Variants in SCAI observed in about 807,000 individuals in gnomAD.
SCAI encodes the protein protein SCAI.
SCAI carries 24 observed loss-of-function variants against 92.2 expected under a neutral mutation model. The ratio of observed to expected loss-of-function variants is 0.26; its 90% CI spans 0.19 to 0.37. The LOEUF (loss-of-function observed/expected upper bound fraction) is 0.37, where lower values mean the gene tolerates loss of function less well. SCAI is among the 10% of genes least tolerant of loss of function. SCAI has a pLI of 1.00. For synonymous variants in SCAI, 261 were observed against 258.6 expected (o/e 1.01, Z -0.09); for missense variants, 450 against 736.2 (o/e 0.61, Z 4.50).
chr9:125,090,246 T>C (rs941514967), intron 2 of SCAI, among the ~76,000 whole-genome samples: 3 of 152,070 alleles, frequency 2.0e-5, no homozygotes, highest in African/African-American at 7.2e-5. Context: ...TTATGCAAGA[T>C]AGGAGTATGT....
chr9:125,031,541 G>A (rs749261065), intron 3 of SCAI, among the ~76,000 whole-genome samples: 4 of 151,980 alleles, frequency 2.6e-5, no homozygotes, highest in Non-Finnish European at 4.4e-5. Flanking sequence ...AAGCCACCAC[G>A]CCCGGCCACT....
chr9:125,015,271 G>C (rs950107902), intron 9 of SCAI, among the ~76,000 whole-genome samples: 6 of 152,066 alleles, frequency 3.9e-5, no homozygotes, highest in African/African-American at 1.4e-4. Context: ...GAAAATGTTC[G>C]CAACCTACTC....
At chr9:125,061,796 GAAAAA>G (rs1182303724) in intron 2 of SCAI, among the ~76,000 whole-genome samples, 2 of 150,986 alleles carry the variant, frequency 1.3e-5, no homozygotes, top group African/African-American at 4.9e-5. Context: ...GAAAAGAAAA[GAAAAA>G]AATATATATG....
At chr9:125,038,184 G>A (rs561315386) in intron 3 of SCAI, among the ~76,000 whole-genome samples, 92 of 152,278 alleles carry the variant, frequency 6.0e-4, no homozygotes, top group Admixed American at 1.4e-3. Context: ...TTGAGCCCAG[G>A]AGGTCAAAGC....
At chr9:125,140,459 C>T (rs1249053654) in intron 2 of SCAI, among the ~76,000 whole-genome samples, 2 of 151,974 alleles carry the variant, frequency 1.3e-5, no homozygotes, top group Non-Finnish European at 2.9e-5. Flanking sequence ...ACCCAGGAGG[C>T]GGAGATTGCA....
At position 125,003,524 on chromosome 9, in the gene SCAI, G is replaced by A. The variant is rs1250195431; in HGVS notation, c.908C>T (p.Ala303Val). The change falls in exon 10 of 18, where the codon GCT becomes GTT. Residue 303 changes from alanine to valine, a missense_variant. Around this residue, in one of 3 missense-constraint regions of SCAI, gnomAD observed 360 missense variants for 601.8 expected, o/e 0.60. Coordinates refer to ENST00000336505, the MANE Select transcript of SCAI (RefSeq NM_001144877.3). ...LTVDMFRMLQ[A>V]LEREPMNLAS... ...TAAATTCATTGGCTCCCTTTCCAGAGCTTGTAACATCCGGAACATGTCAAC... is the reference window on the plus strand; with the variant it reads ...TAAATTCATTGGCTCCCTTTCCAGAACTTGTAACATCCGGAACATGTCAAC... 1.2e-6 allele frequency: 2 copies of A among 1,613,438 alleles called. No homozygotes were observed. Among genetic ancestry groups the A allele is most frequent in the Non-Finnish European group, 1.7e-6 (2 of 1,179,496 alleles).
At chr9:124,956,750 G>A (rs1435271215) in intron 17 of SCAI, among the ~76,000 whole-genome samples, 1 of 152,064 alleles carries the variant, frequency 6.6e-6, no homozygotes, top group Non-Finnish European at 1.5e-5. Context: ...CTAAAATCAG[G>A]AAGAAGGCAA....
intron 7 of SCAI, among the ~76,000 whole-genome samples, chr9:125,020,359 T>A (rs1832847615): frequency 1.3e-5 from 2 of 152,184 alleles, no homozygotes; most frequent in South Asian, 4.1e-4. Context: ...CACATAACAT[T>A]TCAATTATTT....
chr9:125,035,901 A>G (rs1166526256), intron 3 of SCAI, among the ~76,000 whole-genome samples: 1 of 152,198 alleles, frequency 6.6e-6, no homozygotes, highest in Non-Finnish European at 1.5e-5. Flanking sequence ...CTACAAAAAA[A>G]TTTAAAAATT....
chr9:125,117,649 G>A (rs1246431586), intron 2 of SCAI, among the ~76,000 whole-genome samples: 3 of 121,238 alleles, frequency 2.5e-5, no homozygotes, highest in Non-Finnish European at 4.9e-5. Context: ...CTGGGCGACA[G>A]AGTGAGACTC....
intron 14 of SCAI, among the ~76,000 whole-genome samples, chr9:124,994,181 C>G (rs746478456): frequency 6.6e-6 from 1 of 151,886 alleles, no homozygotes; most frequent in African/African-American, 2.4e-5. Flanking sequence ...ATTACAGGCA[C>G]GCACCACCAC....
At chr9:125,025,358 A>G (rs1186586286) in intron 6 of SCAI, among the ~76,000 whole-genome samples, 1 of 152,252 alleles carries the variant, frequency 6.6e-6, no homozygotes, top group Non-Finnish European at 1.5e-5. Flanking sequence ...TTATTAAGGC[A>G]TAAAATTATG....
At chr9:124,974,174 C>G (rs1831712422) in intron 15 of SCAI, 1 of 449,150 alleles carries the variant, frequency 2.2e-6, no homozygotes, top group Non-Finnish European at 4.4e-6. Flanking sequence ...CAGCACAGTA[C>G]CTGATAATAA....
At chr9:125,130,936 CTTTTTTTTT>C (rs545651994) in intron 2 of SCAI, among the ~76,000 whole-genome samples, 3 of 77,274 alleles carry the variant, frequency 3.9e-5, no homozygotes, top group East Asian at 3.6e-4. Flanking sequence ...GTTTGAACCG[CTTTTTTTTT>C]TTTTTTTTTT....
chr9:125,118,512 C>CAATA (rs57372605), intron 2 of SCAI, among the ~76,000 whole-genome samples: 261 of 148,804 alleles, frequency 1.8e-3, no homozygotes, highest in African/African-American at 5.3e-3. Context: ...GACCCTGTCT[C>CAATA]AATAAATAAA....
intron 3 of SCAI, among the ~76,000 whole-genome samples, chr9:125,034,499 G>A (rs552598740): frequency 4.8e-4 from 73 of 152,258 alleles, no homozygotes; most frequent in African/African-American, 1.6e-3. Flanking sequence ...ACTTTGGGAG[G>A]CCTAGGCAGG....
chr9:125,101,421 A>G (rs1188609866), intron 2 of SCAI, among the ~76,000 whole-genome samples: 2 of 152,204 alleles, frequency 1.3e-5, no homozygotes, highest in African/African-American at 4.8e-5. Context: ...TAGAGCTGAG[A>G]CTTACCAATG....
chr9:125,106,722 C>CTTTTTT (rs34740170), intron 2 of SCAI, among the ~76,000 whole-genome samples: 4 of 113,362 alleles, frequency 3.5e-5, no homozygotes, highest in Non-Finnish European at 3.6e-5. Flanking sequence ...TTTTCTTTTC[C>CTTTTTT]TTTTTTTTTT....
chr9:125,129,559 G>T (rs1039243929), intron 2 of SCAI, among the ~76,000 whole-genome samples: 1 of 140,940 alleles, frequency 7.1e-6, no homozygotes, highest in Non-Finnish European at 1.5e-5. Flanking sequence ...CACCTCCCGG[G>T]TTCAAGTGAT....
Sources: allele counts gnomAD v4.1 joint callset (sites outside exome capture counted in the v4.1 genomes callset), GRCh38; gene constraint gnomAD v4.1.1; regional missense constraint gnomAD v4.1.1; transcripts MANE v1.5; gene names NCBI Gene and HGNC (gene_info 2026-07-23, HGNC 2026-07-21).